SCNN1D: variants seen among roughly 807,000 people sequenced by gnomAD.
SCNN1D encodes the protein sodium channel epithelial 1 subunit delta, also known as epithelial sodium channel subunit delta.
In SCNN1D, 104 loss-of-function variants were observed where a neutral mutation model predicts 87.8. That is an observed-to-expected ratio of 1.18 (90% confidence interval 1.01 to 1.39). The LOEUF (loss-of-function observed/expected upper bound fraction) is 1.39, where lower values mean the gene tolerates loss of function less well. Among genes scored for constraint, SCNN1D ranks in the 40% most tolerant of loss-of-function variants. The probability of loss-of-function intolerance (pLI) is 0.00; values close to 1 mark genes in which losing one functional copy is unlikely to be tolerated. For missense variants in SCNN1D, 1,324 were observed against 1,093.9 expected (o/e 1.21, Z -2.97); for synonymous variants, 628 against 481.2 (o/e 1.31, Z -3.99).
Position 1,280,468 on chromosome 1 carries a change from T to TAA in SCNN1D, c.-183_-182dup, listed in dbSNP as rs967685711. 7.5e-4 allele frequency: 291 copies of TAA among 390,600 alleles called. No homozygotes were observed. The highest frequency in any genetic ancestry group is 1.4e-3 in the Middle Eastern group (2 of 1,436). The allele number at this position is 390,600 out of a possible 1,614,324, so 24.2% of individuals were successfully genotyped here. On this transcript the variant is annotated 5_prime_UTR_variant, in exon 1 of 18. Transcript: ENST00000379116. ...GACAGCGAGACTCCATCTCAATAAA[T>TAA]AAAAAAAAAAAAGAGTTGTTATCAG...
intron 4 of SCNN1D, 120 bp from the exon 5 acceptor site, chr1:1,283,858 G>A (rs979295498): frequency 2.0e-6 from 1 of 510,380 alleles, no homozygotes; most frequent in Non-Finnish European, 3.4e-6. Context: ...CCTGCAGAGG[G>A]ATGGGCATCT....
Position 1,291,608 on chromosome 1 carries a change from T to C in SCNN1D, c.2407T>C (p.Ter803ArgextTer86), listed in dbSNP as rs1389282316. ...GPQPLETLDT[*>R] ...CCAGCCCCTTGAGACTCTGGACACC[T>C]GAACCAGACCTGCCAGGGCTGTGCG... The change falls in exon 18 of 18, where the codon TGA (stop) becomes CGA (arginine). Residue 803 changes from the stop codon to arginine, a stop_lost. Transcript: ENST00000379116. The C allele has an allele frequency of 3.9e-6, 6 of 1,524,922 alleles. No individual in the cohort carries two copies. The East Asian group carries it at 9.2e-5, about 23-fold the overall frequency. 94.5% of individuals were successfully genotyped at this position (1,524,922 alleles called of 1,614,324 possible). A position where few individuals can be genotyped will look rare whatever the true frequency, so the allele number is the denominator to read the frequency against.
chr1:1,287,495 C>T lies in SCNN1D; in HGVS notation c.1311-13C>T, dbSNP rs780586619. 2.6e-6 allele frequency: 4 copies of T among 1,517,888 alleles called. No individual in the cohort carries two copies. Among genetic ancestry groups the T allele is most frequent in the Non-Finnish European group, 3.5e-6 (4 of 1,131,666 alleles). The allele number at this position is 1,517,888 out of a possible 1,614,324, so 94.0% of individuals were successfully genotyped here. ...GCCGACATTCAAGGTCTGAGCTTGG[C>T]TTCTCATTCCAGACAGTTCCGGACC... is the stretch of plus-strand genomic sequence containing the variant. On this transcript the variant is annotated splice_polypyrimidine_tract_variant and intron_variant, in intron 9 of 17. Coordinates refer to ENST00000379116, the MANE Select transcript of SCNN1D (RefSeq NM_001130413.4).
chr1:1,291,225 C>T (rs552617750), intron 17 of SCNN1D, 29 bp from the exon 18 acceptor site: 24 of 1,567,632 alleles, frequency 1.5e-5, no homozygotes, highest in African/African-American at 1.1e-4. Flanking sequence ...GGCCTGGGCC[C>T]GCCCCTCACA....
Position 1,287,925 on chromosome 1 carries a change from G to A in SCNN1D, c.1564-14G>A, listed in dbSNP as rs1376669406. 1 of 1,536,112 alleles carries A rather than the reference G, an allele frequency of 6.5e-7. No individual in the cohort carries two copies. On this transcript the variant is annotated splice_polypyrimidine_tract_variant and intron_variant, in intron 11 of 17. Coordinates refer to ENST00000379116, the MANE Select transcript of SCNN1D (RefSeq NM_001130413.4). ...TGAGGGCAGGGCCCATGGAACTGAA[G>A]CGTCCCCTCCCAGGACGAGGTGCAC... is the stretch of plus-strand genomic sequence containing the variant.
rs978539792 is a variant in SCNN1D, at chr1:1,281,442, A to AC, written c.114dup (p.Thr39HisfsTer58). On this transcript the variant is annotated frameshift_variant, in exon 3 of 18. Coordinates refer to ENST00000379116, the MANE Select transcript of SCNN1D (RefSeq NM_001130413.4). LOFTEE classifies it high-confidence loss of function. The stretch of plus-strand genomic sequence containing the variant: ...CTGGTCATGGTGCAGTGACCACAGG[A>AC]CCCCCACATGCCGGGAGCTGGGTTC... The AC allele has an allele frequency of 1.3e-6, 2 of 1,519,560 alleles. No homozygotes were observed. The highest frequency in any genetic ancestry group is 8.8e-7 in the Non-Finnish European group (1 of 1,137,980). 94.1% of individuals were successfully genotyped at this position (1,519,560 alleles called of 1,614,324 possible).
At position 1,280,645 on chromosome 1, in the gene SCNN1D, T is replaced by C. The variant is rs1640451522; in HGVS notation, c.-17T>C. The C allele has an allele frequency of 1.4e-6, 1 of 700,638 alleles. No homozygotes were observed. Among genetic ancestry groups the C allele is most frequent in the African/African-American group, 1.7e-5 (1 of 57,190 alleles). 43.4% of individuals were successfully genotyped at this position (700,638 alleles called of 1,614,324 possible). A position where few individuals can be genotyped will look rare whatever the true frequency, so the allele number is the denominator to read the frequency against. On this transcript the variant is annotated 5_prime_UTR_variant, in exon 1 of 18. Coordinates refer to ENST00000379116, the MANE Select transcript of SCNN1D (RefSeq NM_001130413.4). The stretch of plus-strand genomic sequence containing the variant: ...GGTGATGCTGATGCTGTGCCTGAAT[T>C]CCAGCAGGGAGGAGGCATGAGGTGC...
At chr1:1,287,384 G>C in intron 9 of SCNN1D, 85 bp downstream of exon 9, 1 of 1,491,392 alleles carries the variant, frequency 6.7e-7, no homozygotes, top group African/African-American at 1.4e-5. Context: ...GCTGTATGCT[G>C]GGAGCCACCC....
Position 1,287,141 on chromosome 1 carries a change from A to T in SCNN1D, c.1152A>T (p.Arg384=), listed in dbSNP as rs766820907. The change falls in exon 9 of 18, where the codon CGA becomes CGT. Residue 384 remains arginine (R), a synonymous_variant. Transcript: ENST00000379116. ...GCACGGGCGGCGACTGCTTTTACCG[A>T]GGCTACACGTCAGGCGTGGCGGCTG... ...CNSTGGDCFY[R]GYTSGVAAVQ... is the part of the protein sequence containing the mutation. The T allele has an allele frequency of 3.7e-6, 6 of 1,601,814 alleles. No homozygotes were observed. Among genetic ancestry groups the T allele is most frequent in the Non-Finnish European group, 2.6e-6 (3 of 1,171,502 alleles).
intron 5 of SCNN1D, among the ~76,000 whole-genome samples, chr1:1,284,973 C>T (rs913006765): frequency 3.9e-5 from 6 of 152,314 alleles, no homozygotes; most frequent in Non-Finnish European, 7.4e-5. Context: ...CCTGTCTATG[C>T]GCCAGGTGGA....
chr1:1,286,456 C>A lies in SCNN1D; in HGVS notation c.911+178C>A, dbSNP rs181385364. 3.8e-3 allele frequency among the ~76,000 whole-genome samples: 572 copies of A among 152,240 alleles called. 3 individuals carry two copies. Among genetic ancestry groups the A allele is most frequent in the African/African-American group, 0.013 (555 of 41,556 alleles). On this transcript the variant is annotated intron_variant, in intron 7 of 17. Transcript: ENST00000379116. ...CGGTGCCCAGCCCGGACCTCTCGGA[C>A]TGCCAAGGAGGGGGCTCAGTGTGGT... is the stretch of plus-strand genomic sequence containing the variant.
chr1:1,290,542 C>T lies in SCNN1D; in HGVS notation c.1846C>T (p.Pro616Ser), dbSNP rs1200074638. The part of the protein sequence containing the change: ...THRLPCTSRC[P>S]RPCRESAFKL... ...CCGGCTCCCCTGTACCTCCCGCTGCCCCAGGCCCTGCAGGTGAGACGGGGG... is the reference window on the plus strand; with the variant it reads ...CCGGCTCCCCTGTACCTCCCGCTGCTCCAGGCCCTGCAGGTGAGACGGGGG... Residue 616 changes from proline (P) to serine (S), a missense_variant, in exon 14 of 18, where the codon CCC becomes TCC. Pro to Ser is a moderately conservative substitution (Grantham distance 74, BLOSUM62 -1). Transcript: ENST00000379116. 3.1e-6 allele frequency: 5 copies of T among 1,612,582 alleles called. No individual in the cohort carries two copies. The highest frequency in any genetic ancestry group is 2.5e-6 in the Non-Finnish European group (3 of 1,179,924).
At chr1:1,283,015 G>T in intron 4 of SCNN1D, among the ~76,000 whole-genome samples, 1 of 152,100 alleles carries the variant, frequency 6.6e-6, no homozygotes, top group East Asian at 1.9e-4. Context: ...GCCTCCCAAA[G>T]TGCTGAGATT....
chr1:1,291,318 C>A lies in SCNN1D; in HGVS notation c.2117C>A (p.Ser706Tyr). 6.3e-7 allele frequency: 1 copy of A among 1,595,610 alleles called. No individual in the cohort carries two copies. The highest frequency in any genetic ancestry group is 8.5e-7 in the Non-Finnish European group (1 of 1,172,852). ...CTGTGGTTTGGGGCCTCCGTCCTCTCCCTCCTGGAGCTCCTGGAGCTGCTG... is the reference window on the plus strand; with the variant it reads ...CTGTGGTTTGGGGCCTCCGTCCTCTACCTCCTGGAGCTCCTGGAGCTGCTG... ...CSLWFGASVL[S>Y]LLELLELLLD... is the part of the protein sequence containing the mutation. Residue 706 changes from serine to tyrosine, a missense_variant, in exon 18 of 18, where the codon TCC (serine) becomes TAC (tyrosine). Coordinates refer to ENST00000379116, the MANE Select transcript of SCNN1D (RefSeq NM_001130413.4).
chr1:1,291,830 G>C lies in SCNN1D; in HGVS notation c.*220G>C, dbSNP rs755956756. The C allele has an allele frequency of 1.8e-5, 8 of 449,590 alleles. No homozygotes were observed. Among genetic ancestry groups the C allele is most frequent in the South Asian group, 1.1e-4 (2 of 17,670 alleles). The allele number at this position is 449,590 out of a possible 1,614,324, so 27.9% of individuals were successfully genotyped here. Reference sequence around the variant, plus strand: ...GCCCGGGGCGGAGGGGGGTTCCCGCGTGCACACGAGTGCGGCTGGACGTGC... The same window carrying C: ...GCCCGGGGCGGAGGGGGGTTCCCGCCTGCACACGAGTGCGGCTGGACGTGC... On this transcript the variant is annotated 3_prime_UTR_variant, in exon 18 of 18. Coordinates refer to ENST00000379116, the MANE Select transcript of SCNN1D (RefSeq NM_001130413.4).
Position 1,290,522 on chromosome 1 carries a change from T to C in SCNN1D, c.1826T>C (p.Leu609Pro), listed in dbSNP as rs1640770645. 6.2e-7 allele frequency: 1 copy of C among 1,612,444 alleles called. No individual in the cohort carries two copies. The highest frequency in any genetic ancestry group is 8.5e-7 in the Non-Finnish European group (1 of 1,179,906). ...TACCAGGACCTGGAGACCCACCGGC[T>C]CCCCTGTACCTCCCGCTGCCCCAGG... ...RLYQDLETHR[L>P]PCTSRCPRPC... Residue 609 changes from leucine (L) to proline (P), a missense_variant, in exon 14 of 18, where the codon CTC becomes CCC. Physicochemically the swap from Leu to Pro is moderately conservative, Grantham distance 98. Transcript: ENST00000379116.
rs374813816 is a variant in SCNN1D, at chr1:1,291,227, C to G, written c.2053-27C>G. 1.4e-5 allele frequency: 22 copies of G among 1,564,162 alleles called. No individual in the cohort carries two copies. In the East Asian group the frequency reaches 4.9e-4, roughly 35 times the overall value. On this transcript the variant is annotated intron_variant, in intron 17 of 17. Coordinates refer to ENST00000379116, the MANE Select transcript of SCNN1D (RefSeq NM_001130413.4). ...GAAGGGGCACGGGGGCCTGGGCCCG[C>G]CCCTCACACCCGCACCCCACCCGCA...
rs770456877 is a variant in SCNN1D at position 1,281,486 on chromosome 1, C to T, written c.153C>T (p.Cys51=). The T allele has an allele frequency of 1.1e-5, 17 of 1,526,830 alleles. No homozygotes were observed. The African/African-American group carries it at 2.2e-4, about 20-fold the overall frequency. 94.6% of individuals were successfully genotyped at this position (1,526,830 alleles called of 1,614,324 possible). ...TGGGTTCGCCCCACCCCACCCCCTG[C>T]ACCGGGCCAGCGAGGGGATGGCCCA... ...RELGSPHPTP[C]TGPARGWPRR... The change falls in exon 3 of 18, where the codon TGC becomes TGT. Residue 51 remains cysteine (C), a synonymous_variant. Coordinates refer to ENST00000379116, the MANE Select transcript of SCNN1D (RefSeq NM_001130413.4).
rs1640821440 is a variant in SCNN1D at position 1,291,602 on chromosome 1, G to C, written c.2401G>C (p.Asp801His). 6.5e-6 allele frequency: 10 copies of C among 1,534,492 alleles called. No individual in the cohort carries two copies. Among genetic ancestry groups the C allele is most frequent in the Non-Finnish European group, 8.8e-6 (10 of 1,139,212 alleles). Residue 801 changes from aspartate to histidine, a missense_variant, in exon 18 of 18, where the codon GAC becomes CAC. Asp to His is a moderately conservative substitution (Grantham distance 81, BLOSUM62 -1). Coordinates refer to ENST00000379116, the MANE Select transcript of SCNN1D (RefSeq NM_001130413.4). ...WAGPQPLETLDT is the reference protein window; with the variant it reads ...WAGPQPLETLHT ...TGGGCCCCAGCCCCTTGAGACTCTG[G>C]ACACCTGAACCAGACCTGCCAGGGC...
Sources: allele counts gnomAD v4.1 joint callset (sites outside exome capture counted in the v4.1 genomes callset), GRCh38; gene constraint gnomAD v4.1.1; transcripts MANE v1.5; gene names NCBI Gene and HGNC (gene_info 2026-07-23, HGNC 2026-07-21).